HECW2: variants seen among roughly 807,000 people sequenced by gnomAD.
HECW2 encodes the protein HECT, C2 and WW domain containing E3 ubiquitin protein ligase 2.
In HECW2, 61 loss-of-function variants were observed where a neutral mutation model predicts 175.2. That is an observed-to-expected ratio of 0.35 (90% CI 0.28 to 0.43). The LOEUF (loss-of-function observed/expected upper bound fraction) is 0.43, where lower values mean the gene tolerates loss of function less well. Ranked by LOEUF, HECW2 falls within the 20% of genes least tolerant of loss-of-function variation. HECW2 has a pLI of 1.00. For missense variants in HECW2, 1,524 were observed against 2,000.5 expected, an observed-to-expected ratio of 0.76 and a Z score of 4.54; for synonymous variants, 671 against 731.0, an observed-to-expected ratio of 0.92 and a Z score of 1.32.
At chr2:196,556,459 C>T (rs957860935) in intron 1 of HECW2, among the ~76,000 whole-genome samples, 5 of 152,264 alleles carry the variant, frequency 3.3e-5, no homozygotes, top group African/African-American at 1.2e-4. Context: ...TTCTCCCGTT[C>T]CCGACCCTTC....
At chr2:196,395,779 G>A (rs1308634819) in intron 2 of HECW2, among the ~76,000 whole-genome samples, 1 of 151,770 alleles carries the variant, frequency 6.6e-6, no homozygotes, top group African/African-American at 2.4e-5. Flanking sequence ...TGCATTGCTG[G>A]TAGAATGTGA....
intron 2 of HECW2, among the ~76,000 whole-genome samples, chr2:196,373,651 A>G (rs1333259424): frequency 6.6e-6 from 1 of 152,230 alleles, no homozygotes; most frequent in African/African-American, 2.4e-5. Flanking sequence ...TTGTTTTTAA[A>G]ATTTAACAAC....
chr2:196,284,405 T>C (rs1690304952), intron 14 of HECW2, among the ~76,000 whole-genome samples: 1 of 152,212 alleles, frequency 6.6e-6, no homozygotes, highest in Non-Finnish European at 1.5e-5. Flanking sequence ...AAAGTCTCAA[T>C]TAAGACCTCC....
intron 2 of HECW2, among the ~76,000 whole-genome samples, chr2:196,383,222 G>A (rs944727728): frequency 5.9e-5 from 9 of 152,252 alleles, no homozygotes; most frequent in African/African-American, 1.9e-4. Flanking sequence ...CAACATTAAA[G>A]AGGCGTATGA....
chr2:196,525,565 C>G (rs1477704295), intron 1 of HECW2, among the ~76,000 whole-genome samples: 207 of 128,860 alleles, frequency 1.6e-3, no homozygotes, highest in African/African-American at 6.0e-3. Flanking sequence ...GCAGTTTCTT[C>G]CTAGTCTCGA....
chr2:196,326,250 A>T (rs528112869), intron 5 of HECW2, among the ~76,000 whole-genome samples: 3 of 152,176 alleles, frequency 2.0e-5, no homozygotes, highest in Non-Finnish European at 4.4e-5. Context: ...TTAGAAAAAT[A>T]GAATTGGCCT....
At chr2:196,580,654 CAAA>C (rs56875271) in intron 1 of HECW2, among the ~76,000 whole-genome samples, 7 of 91,958 alleles carry the variant, frequency 7.6e-5, no homozygotes, top group Non-Finnish European at 7.2e-5. Flanking sequence ...GCTACAATGG[CAAA>C]AAAAAAAAAA....
At chr2:196,463,405 CAAAAAAAA>C (rs34754004) in intron 1 of HECW2, among the ~76,000 whole-genome samples, 2 of 55,728 alleles carry the variant, frequency 3.6e-5, no homozygotes, top group Non-Finnish European at 7.9e-5. Context: ...CTCTACCCTG[CAAAAAAAA>C]AAAAAAAGAA....
intron 3 of HECW2, among the ~76,000 whole-genome samples, chr2:196,341,312 T>TA (rs759024089): frequency 2.0e-5 from 3 of 152,120 alleles, no homozygotes; most frequent in Non-Finnish European, 4.4e-5. Flanking sequence ...GGAAGTGATT[T>TA]TACCTTTTCC....
chr2:196,413,428 C>T (rs1244435781), intron 2 of HECW2, among the ~76,000 whole-genome samples: 1 of 152,070 alleles, frequency 6.6e-6, no homozygotes, highest in Non-Finnish European at 1.5e-5. Context: ...TCACTGCAAC[C>T]TCCGCCTCCC....
At chr2:196,227,521 T>C (rs184604324) in intron 22 of HECW2, among the ~76,000 whole-genome samples, 229 of 151,714 alleles carry the variant, frequency 1.5e-3, no homozygotes, top group African/African-American at 4.9e-3. Context: ...ATACGGTAAG[T>C]GGCCACTGCT....
chr2:196,332,146 A>G (rs887819633), intron 4 of HECW2, among the ~76,000 whole-genome samples: 10 of 142,720 alleles, frequency 7.0e-5, no homozygotes. Flanking sequence ...GTGAGAAAAG[A>G]GACCACATGA....
rs572735118 is a variant in HECW2 at position 196,209,860 on chromosome 2, C to A, written c.4607+6005G>T. Among the ~76,000 whole-genome samples, 8 of 151,872 alleles carry A rather than the reference C, an allele frequency of 5.3e-5. No individual in the cohort carries two copies. The East Asian group carries it at 1.5e-3, about 29-fold the overall frequency. On this transcript the variant is annotated intron_variant, in intron 28 of 28. Coordinates refer to ENST00000644978, the MANE Select transcript of HECW2 (RefSeq NM_001348768.2). Reference sequence around the variant, plus strand: ...CTCACTGCAAGCTCCGCCTCCCGGGCTCCCGCCATTCTCCTGCCTCTGCCT... The same window carrying A: ...CTCACTGCAAGCTCCGCCTCCCGGGATCCCGCCATTCTCCTGCCTCTGCCT...
chr2:196,304,840 C>A (rs1345308207), intron 13 of HECW2, among the ~76,000 whole-genome samples: 1 of 152,128 alleles, frequency 6.6e-6, no homozygotes, highest in Non-Finnish European at 1.5e-5. Context: ...CTCAATACAC[C>A]AGCAACACCG....
At chr2:196,332,447 T>C (rs1439087727) in intron 4 of HECW2, among the ~76,000 whole-genome samples, 1 of 152,204 alleles carries the variant, frequency 6.6e-6, no homozygotes, top group African/African-American at 2.4e-5. Flanking sequence ...ACCCATGGCA[T>C]TATTCAGTCT....
At chr2:196,222,864 C>A (rs953128890) in intron 23 of HECW2, among the ~76,000 whole-genome samples, 2 of 151,144 alleles carry the variant, frequency 1.3e-5, no homozygotes, top group African/African-American at 4.9e-5. Flanking sequence ...ACATACATTC[C>A]CTTTTTCTTC....
At chr2:196,219,644 C>G (rs1687595796) in intron 26 of HECW2, among the ~76,000 whole-genome samples, 1 of 152,204 alleles carries the variant, frequency 6.6e-6, no homozygotes, top group Non-Finnish European at 1.5e-5. Context: ...AGTGGAAAAA[C>G]TGTGCTGATT....
intron 28 of HECW2, among the ~76,000 whole-genome samples, chr2:196,206,924 A>G (rs1687088987): frequency 6.6e-6 from 1 of 152,238 alleles, no homozygotes; most frequent in African/African-American, 2.4e-5. Flanking sequence ...CAGCAGAGCC[A>G]AGGAAGGTTC....
chr2:196,497,950 GA>G (rs1175445347), intron 1 of HECW2, among the ~76,000 whole-genome samples: 1 of 152,186 alleles, frequency 6.6e-6, no homozygotes, highest in Non-Finnish European at 1.5e-5. Context: ...ACACTTTGTT[GA>G]ACCTAAGCAT....
Sources: allele counts gnomAD v4.1 joint callset (sites outside exome capture counted in the v4.1 genomes callset), GRCh38; gene constraint gnomAD v4.1.1; transcripts MANE v1.5; gene names NCBI Gene and HGNC (gene_info 2026-07-23, HGNC 2026-07-21).